The following AGBL4 variants were observed in gnomAD, a reference collection of about 807,000 sequenced individuals.
The protein encoded by AGBL4 is cytosolic carboxypeptidase 6.
Under a neutral mutation model 66.4 loss-of-function variants are expected in AGBL4, and 58 were observed. The ratio of observed to expected loss-of-function variants is 0.87; its 90% CI spans 0.71 to 1.09. AGBL4 has a LOEUF of 1.09. Ranked by LOEUF, AGBL4 falls within the 50% of genes least tolerant of loss-of-function variation. AGBL4 has a pLI of 0.00. For missense variants in AGBL4, 579 were observed against 631.0 expected (o/e 0.92, Z 0.88); for synonymous variants, 234 against 222.9 (o/e 1.05, Z -0.44).
intron 1 of AGBL4, among the ~76,000 whole-genome samples, chr1:50,012,107 G>A (rs997102923): frequency 4.0e-5 from 6 of 151,484 alleles, no homozygotes; most frequent in African/African-American, 7.3e-5. Flanking sequence ...TGCAGTGAGC[G>A]GAGATTGCGC....
chr1:49,339,636 T>C (rs1363778727), intron 3 of AGBL4, among the ~76,000 whole-genome samples: 1 of 152,246 alleles, frequency 6.6e-6, no homozygotes, highest in Non-Finnish European at 1.5e-5. Context: ...CTGATGTTTC[T>C]AAACTAGGCC....
At chr1:49,882,191 T>A (rs1647409602) in intron 1 of AGBL4, among the ~76,000 whole-genome samples, 2 of 151,020 alleles carry the variant, frequency 1.3e-5, no homozygotes, top group Non-Finnish European at 3.0e-5. Flanking sequence ...AAAGATCAGA[T>A]AGTTGTAGAT....
chr1:49,495,962 T>C (rs968350466), intron 3 of AGBL4, among the ~76,000 whole-genome samples: 1 of 151,972 alleles, frequency 6.6e-6, no homozygotes, highest in Non-Finnish European at 1.5e-5. Context: ...GGTATGGACA[T>C]AGAGGGATAG....
At chr1:48,534,842 G>A in intron 13 of AGBL4, 48 bp downstream of exon 13, 2 of 1,529,410 alleles carry the variant, frequency 1.3e-6, no homozygotes, top group South Asian at 1.2e-5. Flanking sequence ...TGGAGCACAT[G>A]CATGGTATGT....
At chr1:48,813,457 T>C (rs1259306228) in intron 6 of AGBL4, among the ~76,000 whole-genome samples, 2 of 152,122 alleles carry the variant, frequency 1.3e-5, no homozygotes, top group East Asian at 3.9e-4. Context: ...ATTAGGGAGG[T>C]CTGGACTCTT....
At chr1:49,861,286 T>C (rs969460576) in intron 1 of AGBL4, among the ~76,000 whole-genome samples, 4 of 152,130 alleles carry the variant, frequency 2.6e-5, no homozygotes, top group Admixed American at 2.6e-4. Context: ...GATACTGAGA[T>C]ATCAGCTGGG....
chr1:48,545,499 C>T (rs1434177110), intron 11 of AGBL4, among the ~76,000 whole-genome samples: 1 of 152,088 alleles, frequency 6.6e-6, no homozygotes, highest in African/African-American at 2.4e-5. Flanking sequence ...CAAGGAGAGG[C>T]AATAATTCTC....
chr1:48,979,626 A>G (rs976089135), intron 5 of AGBL4, among the ~76,000 whole-genome samples: 5 of 152,108 alleles, frequency 3.3e-5, no homozygotes, highest in Admixed American at 2.6e-4. Flanking sequence ...AAAGCCACCA[A>G]AGTGTTTTTT....
intron 3 of AGBL4, among the ~76,000 whole-genome samples, chr1:49,255,275 A>G (rs1156972027): frequency 6.6e-6 from 1 of 152,188 alleles, no homozygotes; most frequent in Non-Finnish European, 1.5e-5. Flanking sequence ...AGTCTGGACA[A>G]TGGTCTAATA....
intron 2 of AGBL4, among the ~76,000 whole-genome samples, chr1:49,788,835 C>T (rs143614994): frequency 1.6e-3 from 248 of 152,254 alleles, no homozygotes; most frequent in Non-Finnish European, 2.9e-3. Flanking sequence ...GAATATTTTA[C>T]GAAATAATGC....
intron 5 of AGBL4, among the ~76,000 whole-genome samples, chr1:49,007,947 G>C (rs1327999512): frequency 1.3e-5 from 2 of 151,822 alleles, no homozygotes; most frequent in East Asian, 1.9e-4. Context: ...AGACCATCAA[G>C]ACTAGGAAGA....
At chr1:48,694,649 A>G (rs1284073748) in intron 6 of AGBL4, among the ~76,000 whole-genome samples, 2 of 152,108 alleles carry the variant, frequency 1.3e-5, no homozygotes, top group East Asian at 3.9e-4. Flanking sequence ...TTTCCCTAAT[A>G]TCATGCTTAG....
At chr1:49,993,453 A>G (rs1239671121) in intron 1 of AGBL4, among the ~76,000 whole-genome samples, 3 of 152,140 alleles carry the variant, frequency 2.0e-5, no homozygotes, top group African/African-American at 4.8e-5. Context: ...CAGTATACCT[A>G]TTCTCCTGAA....
At chr1:49,115,612 TAGAA>T (rs1645502999) in intron 4 of AGBL4, among the ~76,000 whole-genome samples, 1 of 150,844 alleles carries the variant, frequency 6.6e-6, no homozygotes, top group South Asian at 2.1e-4. Flanking sequence ...GAGGGAGAGA[TAGAA>T]AGAGAGAGAA....
chr1:49,278,849 A>T (rs1644222991), intron 3 of AGBL4, among the ~76,000 whole-genome samples: 1 of 152,212 alleles, frequency 6.6e-6, no homozygotes, highest in Non-Finnish European at 1.5e-5. Flanking sequence ...TCAAATAAGC[A>T]TGTTTAGTAA....
At position 49,452,027 on chromosome 1, in the gene AGBL4, C is replaced by T. The variant is rs904097844; in HGVS notation, c.283-206163G>A. 2.6e-5 allele frequency among the ~76,000 whole-genome samples: 4 copies of T among 151,892 alleles called. No individual in the cohort carries two copies. The South Asian group carries it at 8.3e-4, about 32-fold the overall frequency. ...CTCCTTTTGCCCAATACTAAACCTT[C>T]ACCCAATGTTCTGGATTCCAGTTGG... On this transcript the variant is annotated intron_variant, in intron 3 of 13. Coordinates refer to ENST00000371839, the MANE Select transcript of AGBL4 (RefSeq NM_032785.4).
At chr1:49,278,837 C>G (rs1470123176) in intron 3 of AGBL4, among the ~76,000 whole-genome samples, 1 of 152,122 alleles carries the variant, frequency 6.6e-6, no homozygotes, top group Non-Finnish European at 1.5e-5. Context: ...TAATTTGCAA[C>G]ATCAAATAAG....
intron 6 of AGBL4, among the ~76,000 whole-genome samples, chr1:48,866,386 C>A (rs1166900722): frequency 2.6e-5 from 4 of 152,214 alleles, no homozygotes; most frequent in African/African-American, 4.8e-5. Context: ...AGAACCCCAA[C>A]TCCCCACAGT....
chr1:49,782,807 G>C (rs1030378641), intron 2 of AGBL4, among the ~76,000 whole-genome samples: 2 of 152,078 alleles, frequency 1.3e-5, no homozygotes, highest in Non-Finnish European at 2.9e-5. Context: ...CACTCTCTTT[G>C]CCCTTCTGCC....
Sources: allele counts gnomAD v4.1 joint callset (sites outside exome capture counted in the v4.1 genomes callset), GRCh38; gene constraint gnomAD v4.1.1; transcripts MANE v1.5; gene names NCBI Gene and HGNC (gene_info 2026-07-23, HGNC 2026-07-21).